LPIN2: variants seen among roughly 807,000 people sequenced by gnomAD.
LPIN2 encodes lipin 2.
LPIN2 carries 55 observed loss-of-function variants against 111.4 expected under a neutral mutation model. That is an observed-to-expected ratio of 0.49 (90% confidence interval 0.40 to 0.62). The LOEUF (loss-of-function observed/expected upper bound fraction) is 0.62, where lower values mean the gene tolerates loss of function less well. Ranked by LOEUF, LPIN2 falls within the 20% of genes least tolerant of loss-of-function variation. The pLI, the probability that LPIN2 is intolerant of heterozygous loss-of-function variation, is 0.00. For synonymous variants in LPIN2, 425 were observed against 414.0 expected, an observed-to-expected ratio of 1.03 and a Z score of -0.32; for missense variants, 992 against 1,112.1, an observed-to-expected ratio of 0.89 and a Z score of 1.54.
At chr18:3,001,545 T>A (rs751718750) in intron 1 of LPIN2, among the ~76,000 whole-genome samples, 2 of 151,958 alleles carry the variant, frequency 1.3e-5, no homozygotes, top group African/African-American at 2.4e-5. Flanking sequence ...ATTGTGCGTG[T>A]GAGAGGAGGG....
chr18:2,951,144 C>T lies in LPIN2; in HGVS notation c.501G>A (p.Lys167=). ...CAGCAGATGCGGCCTGCTCTTCCTT[C>T]TTACTGTCCTGTTTGTATTTCTTTC... The part of the protein sequence containing the change: ...RRRKKYKQDS[K]KEEQAASAAA... The change falls in exon 4 of 20, where the codon AAG becomes AAA. Residue 167 remains lysine (K), a synonymous_variant. Coordinates refer to ENST00000677752, the MANE Select transcript of LPIN2 (RefSeq NM_001375808.2). The T allele has an allele frequency of 6.2e-7, 1 of 1,614,208 alleles. No homozygotes were observed. Among genetic ancestry groups the T allele is most frequent in the Non-Finnish European group, 8.5e-7 (1 of 1,180,042 alleles).
At chr18:2,975,852 T>C (rs906946657) in intron 1 of LPIN2, among the ~76,000 whole-genome samples, 4 of 152,230 alleles carry the variant, frequency 2.6e-5, no homozygotes, top group African/African-American at 9.6e-5. Context: ...ATAGAAGCCA[T>C]GTGCAGTATT....
At chr18:2,967,521 C>T (rs1384096905) in intron 1 of LPIN2, 2 of 152,144 alleles carry the variant, frequency 1.3e-5, no homozygotes, top group Non-Finnish European at 2.9e-5. Context: ...AGGGGCTTGC[C>T]CACATCGTGT....
chr18:2,982,769 T>C (rs1438776913), intron 1 of LPIN2: 5 of 1,272,516 alleles, frequency 3.9e-6, no homozygotes, highest in Admixed American at 4.6e-5. Flanking sequence ...AAGTAAAACA[T>C]CTTGAAATTT....
intron 4 of LPIN2, chr18:2,946,320 C>A: frequency 6.6e-7 from 1 of 1,520,054 alleles, no homozygotes; most frequent in Non-Finnish European, 9.1e-7. Flanking sequence ...TCAGGTTTGA[C>A]TGGCTCAGGT....
At chr18:3,008,715 A>G (rs1361247972) in intron 1 of LPIN2, among the ~76,000 whole-genome samples, 1 of 151,662 alleles carries the variant, frequency 6.6e-6, no homozygotes, top group Non-Finnish European at 1.5e-5. Flanking sequence ...CCTCCTTCCC[A>G]CTTACTCATG....
chr18:2,995,201 A>C (rs2078323425), intron 1 of LPIN2, among the ~76,000 whole-genome samples: 1 of 152,136 alleles, frequency 6.6e-6, no homozygotes, highest in Non-Finnish European at 1.5e-5. Context: ...TCCAAGACCT[A>C]TGCCACAGTA....
At chr18:2,986,740 T>C (rs1459767498) in intron 1 of LPIN2, among the ~76,000 whole-genome samples, 2 of 152,166 alleles carry the variant, frequency 1.3e-5, no homozygotes, top group African/African-American at 4.8e-5. Flanking sequence ...TTTTACCCAC[T>C]ATTTGGAGAC....
At chr18:2,967,122 G>A (rs1291423400) in intron 1 of LPIN2, 1 of 152,138 alleles carries the variant, frequency 6.6e-6, no homozygotes, top group Non-Finnish European at 1.5e-5. Context: ...AGAGAATGTG[G>A]GTTATGCTAG....
chr18:2,959,747 T>C (rs1227055617), intron 2 of LPIN2, among the ~76,000 whole-genome samples: 3 of 152,228 alleles, frequency 2.0e-5, no homozygotes, highest in Non-Finnish European at 4.4e-5. Context: ...TATGGTCTGT[T>C]GGTTAGCATT....
intron 1 of LPIN2, among the ~76,000 whole-genome samples, chr18:2,963,234 G>C (rs1221937711): frequency 6.6e-6 from 1 of 152,174 alleles, no homozygotes; most frequent in Non-Finnish European, 1.5e-5. Context: ...ACAGAGCTGG[G>C]GAAAGAGGCT....
chr18:3,001,445 T>C (rs2078433939), intron 1 of LPIN2, among the ~76,000 whole-genome samples: 1 of 152,096 alleles, frequency 6.6e-6, no homozygotes, highest in Admixed American at 6.5e-5. Flanking sequence ...TCACTGCATA[T>C]GCTCAGCTGT....
chr18:2,928,999 G>T, intron 10 of LPIN2, 66 bp downstream of exon 10: 1 of 1,042,678 alleles, frequency 9.6e-7, no homozygotes, highest in Non-Finnish European at 1.5e-6. Flanking sequence ...ATAAGTAACA[G>T]TTAAAAATGG....
chr18:2,948,877 G>A (rs530865936), intron 4 of LPIN2, among the ~76,000 whole-genome samples: 76 of 151,472 alleles, frequency 5.0e-4, no homozygotes, highest in African/African-American at 1.8e-3. Flanking sequence ...GCAGTGGTGT[G>A]ATCTTGGCTC....
chr18:2,944,771 A>G (rs1441907538), intron 4 of LPIN2, among the ~76,000 whole-genome samples: 1 of 152,224 alleles, frequency 6.6e-6, no homozygotes, highest in African/African-American at 2.4e-5. Flanking sequence ...ATCAGTAACA[A>G]TTAGTCATAA....
chr18:2,994,825 T>C (rs1209310184), intron 1 of LPIN2, among the ~76,000 whole-genome samples: 2 of 152,094 alleles, frequency 1.3e-5, no homozygotes, highest in Non-Finnish European at 2.9e-5. Context: ...GTGGGCAAAA[T>C]TGTCTGCAGC....
At chr18:2,928,000 C>CA (rs1296414918) in intron 11 of LPIN2, among the ~76,000 whole-genome samples, 189 bp from the exon 12 acceptor site, 1 of 151,748 alleles carries the variant, frequency 6.6e-6, no homozygotes, top group Non-Finnish European at 1.5e-5. Context: ...GCTTTCATGG[C>CA]AGCACAGCTC....
At chr18:2,942,250 T>C (rs1049183082) in intron 4 of LPIN2, among the ~76,000 whole-genome samples, 6 of 152,182 alleles carry the variant, frequency 3.9e-5, no homozygotes, top group Non-Finnish European at 8.8e-5. Flanking sequence ...ATACCACTCA[T>C]TGAAGGGGAG....
intron 5 of LPIN2, among the ~76,000 whole-genome samples, chr18:2,940,096 CG>C (rs1429846379): frequency 6.6e-6 from 1 of 152,140 alleles, no homozygotes; most frequent in African/African-American, 2.4e-5. Context: ...GAGGCCAAGG[CG>C]AGAGGATCAC....
Sources: allele counts gnomAD v4.1 joint callset (sites outside exome capture counted in the v4.1 genomes callset), GRCh38; gene constraint gnomAD v4.1.1; transcripts MANE v1.5; gene names NCBI Gene and HGNC (gene_info 2026-07-23, HGNC 2026-07-21).